F13A1: variants seen among roughly 807,000 people sequenced by gnomAD.
F13A1 encodes the protein FSF, A subunit.
A neutral mutation model predicts 80.1 loss-of-function variants in F13A1; 47 were observed. The ratio of observed to expected loss-of-function variants is 0.59; its 90% CI spans 0.46 to 0.75. F13A1 has a LOEUF of 0.75. Ranked by LOEUF, F13A1 falls within the 30% of genes least tolerant of loss-of-function variation. The probability of loss-of-function intolerance (pLI) is 0.00; values close to 1 mark genes in which losing one functional copy is unlikely to be tolerated. For synonymous variants in F13A1, 349 were observed against 344.9 expected (o/e 1.01, Z -0.13); for missense variants, 817 against 930.4 (o/e 0.88, Z 1.59).
At chr6:6,244,611 G>A (rs941754101) in intron 6 of F13A1, among the ~76,000 whole-genome samples, 2 of 152,084 alleles carry the variant, frequency 1.3e-5, no homozygotes, top group Admixed American at 1.3e-4. Flanking sequence ...CTCAATATAA[G>A]AACAAGGGAA....
At chr6:6,222,656 C>A (rs1757213483) in intron 7 of F13A1, among the ~76,000 whole-genome samples, 2 of 152,158 alleles carry the variant, frequency 1.3e-5, no homozygotes, top group African/African-American at 4.8e-5. Context: ...TAATAGATAA[C>A]AAATTATCTG....
intron 6 of F13A1, among the ~76,000 whole-genome samples, chr6:6,236,255 C>G (rs1284613246): frequency 6.6e-6 from 1 of 152,010 alleles, no homozygotes; most frequent in East Asian, 1.9e-4. Flanking sequence ...ATATACATGT[C>G]AACATTATCC....
At chr6:6,169,283 T>A (rs965486612) in intron 12 of F13A1, 2 of 152,624 alleles carry the variant, frequency 1.3e-5, no homozygotes, top group Non-Finnish European at 2.9e-5. Flanking sequence ...CCAGTCCAGG[T>A]CTTTGCTGTT....
Position 6,217,509 on chromosome 6 carries a change from A to C in F13A1, c.1112+4524T>G, listed in dbSNP as rs943078372. Among the ~76,000 whole-genome samples the C allele has an allele frequency of 1.3e-4, 16 of 125,944 alleles. No homozygotes were observed. The East Asian group carries it at 1.8e-3, about 14-fold the overall frequency. The allele number at this position is 125,944 out of a possible 152,430, so 82.6% of individuals were successfully genotyped here. A position where few individuals can be genotyped will look rare whatever the true frequency, so the allele number is the denominator to read the frequency against. On this transcript the variant is annotated intron_variant, in intron 8 of 14. Transcript: ENST00000264870. ...CATATGGACACAGGAAGGGGAACAT[A>C]ACACTCTGCGGCCTGTTGTGGGGTG...
intron 9 of F13A1, among the ~76,000 whole-genome samples, chr6:6,196,410 C>T (rs1054822936): frequency 1.3e-5 from 2 of 152,126 alleles, no homozygotes; most frequent in Non-Finnish European, 2.9e-5. Flanking sequence ...AAATTTTAAC[C>T]ACCTATCTAT....
chr6:6,157,117 G>A (rs1412588348), intron 13 of F13A1, among the ~76,000 whole-genome samples: 1 of 152,170 alleles, frequency 6.6e-6, no homozygotes, highest in Non-Finnish European at 1.5e-5. Flanking sequence ...CCTGACTCTG[G>A]TTAATGACAA....
intron 3 of F13A1, among the ~76,000 whole-genome samples, chr6:6,281,790 G>A (rs1352293567): frequency 6.6e-6 from 1 of 151,876 alleles, no homozygotes; most frequent in South Asian, 2.1e-4. Flanking sequence ...TCAGGAGATC[G>A]AGACCATCCT....
At chr6:6,179,485 C>A (rs1226094824) in intron 11 of F13A1, among the ~76,000 whole-genome samples, 1 of 152,096 alleles carries the variant, frequency 6.6e-6, no homozygotes, top group Non-Finnish European at 1.5e-5. Context: ...AGAGATTCAA[C>A]GGTGAGAATC....
intron 2 of F13A1, among the ~76,000 whole-genome samples, chr6:6,317,599 T>C (rs1347203572): frequency 6.6e-6 from 1 of 152,060 alleles, no homozygotes; most frequent in Non-Finnish European, 1.5e-5. Flanking sequence ...CCTTTCCCTT[T>C]GCTATATGGA....
chr6:6,253,650 G>A lies in F13A1; in HGVS notation c.572-2721C>T, dbSNP rs145827025. ...CCAGATCCCTGAGTAAGTGCTTATT[G>A]TTGTATGCCACTAAGATTTTCTGGT... is the stretch of plus-strand genomic sequence containing the variant. On this transcript the variant is annotated intron_variant, in intron 4 of 14. Transcript: ENST00000264870. Among the ~76,000 whole-genome samples the A allele has an allele frequency of 8.6e-4, 131 of 152,286 alleles. 1 individual carries two copies. In the East Asian group the frequency reaches 0.015, roughly 17 times the overall value.
At chr6:6,255,091 C>T (rs1028390311) in intron 4 of F13A1, among the ~76,000 whole-genome samples, 5 of 152,122 alleles carry the variant, frequency 3.3e-5, no homozygotes, top group Admixed American at 2.0e-4. Context: ...CTTTCCAGCA[C>T]AGATTGAATT....
In F13A1 at chr6:6,210,069, A is replaced by T. The variant is rs531253359; in HGVS notation, c.1112+11964T>A. 6.4e-3 allele frequency among the ~76,000 whole-genome samples: 971 copies of T among 151,542 alleles called. 8 individuals carry two copies. Among genetic ancestry groups the T allele is most frequent in the Middle Eastern group, 0.054 (16 of 294 alleles). On this transcript the variant is annotated intron_variant, in intron 8 of 14. Transcript: ENST00000264870. Reference sequence around the variant, plus strand: ...AGTGAGATCTTGTCTCTACAAAAAAAAAAAATTAAAAATTAGCCAGGTGTG... The same window carrying T: ...AGTGAGATCTTGTCTCTACAAAAAATAAAAATTAAAAATTAGCCAGGTGTG...
chr6:6,150,614 C>T (rs778895101), intron 14 of F13A1, among the ~76,000 whole-genome samples: 1 of 152,162 alleles, frequency 6.6e-6, no homozygotes, highest in Non-Finnish European at 1.5e-5. Context: ...AGAGTGGGGT[C>T]GCTTCCATAA....
chr6:6,248,237 T>A (rs771015144), intron 6 of F13A1, 75 bp downstream of exon 6: 20 of 1,157,260 alleles, frequency 1.7e-5, no homozygotes, highest in Middle Eastern at 1.9e-4. Context: ...TTTCAGCAGC[T>A]CTTAATGAAC....
chr6:6,269,696 G>GTT (rs201175261), intron 3 of F13A1, among the ~76,000 whole-genome samples: 59 of 145,820 alleles, frequency 4.0e-4, no homozygotes, highest in African/African-American at 1.5e-3. Context: ...CTTACCTACT[G>GTT]TTTTTTTTTT....
Position 6,144,231 on chromosome 6 carries a change from G to C in F13A1, c.*1388C>G, listed in dbSNP as rs14901. ...TTGGCAAATGCTGTGAGATTACTTAGTAAAGTTAAGTATGATGTATATATA... is the reference window on the plus strand; with the variant it reads ...TTGGCAAATGCTGTGAGATTACTTACTAAAGTTAAGTATGATGTATATATA... On this transcript the variant is annotated 3_prime_UTR_variant, in exon 15 of 15. Transcript: ENST00000264870. 1 of 152,158 alleles carries C rather than the reference G, an allele frequency of 6.6e-6. No individual in the cohort carries two copies. Among genetic ancestry groups the C allele is most frequent in the Non-Finnish European group, 1.5e-5 (1 of 68,024 alleles). 9.4% of individuals were successfully genotyped at this position (152,158 alleles called of 1,614,324 possible).
intron 10 of F13A1, among the ~76,000 whole-genome samples, chr6:6,190,514 G>A (rs527447471): frequency 8.2e-4 from 123 of 150,716 alleles, no homozygotes; most frequent in African/African-American, 2.8e-3. Flanking sequence ...CTGCTGGGGG[G>A]TGCCTCCCAG....
intron 2 of F13A1, among the ~76,000 whole-genome samples, chr6:6,309,655 G>C (rs150410086): frequency 6.6e-6 from 1 of 152,284 alleles, no homozygotes; most frequent in African/African-American, 2.4e-5. Flanking sequence ...ATCCAGTGAA[G>C]AATCTGAAAC....
rs768404584 is a variant in F13A1, at chr6:6,224,795, G to C, written c.864C>G (p.Val288=). 1 of 1,613,990 alleles carries C rather than the reference G, an allele frequency of 6.2e-7. No homozygotes were observed. The highest frequency in any genetic ancestry group is 8.5e-7 in the Non-Finnish European group (1 of 1,179,966). ...GSWDNIYAYG[V]PPSAWTGSVD... is the part of the protein sequence containing the mutation. ...CGCTTCCAGTCCAGGCCGATGGGGGGACGCCATAGGCATAGATATTGTCCC... is the reference window on the plus strand; with the variant it reads ...CGCTTCCAGTCCAGGCCGATGGGGGCACGCCATAGGCATAGATATTGTCCC... The change falls in exon 7 of 15, where the codon GTC becomes GTG. Residue 288 remains valine (V), a synonymous_variant. Coordinates refer to ENST00000264870, the MANE Select transcript of F13A1 (RefSeq NM_000129.4).
Sources: allele counts gnomAD v4.1 joint callset (sites outside exome capture counted in the v4.1 genomes callset), GRCh38; gene constraint gnomAD v4.1.1; transcripts MANE v1.5; gene names NCBI Gene and HGNC (gene_info 2026-07-23, HGNC 2026-07-21).